Variants in DAPK1 observed in about 807,000 individuals in gnomAD.
DAPK1 encodes death associated protein kinase 1, also known as death-associated protein kinase 1.
In DAPK1, 56 loss-of-function variants were observed where a neutral mutation model predicts 144.9. The ratio of observed to expected loss-of-function variants is 0.39; its 90% CI spans 0.31 to 0.48. The LOEUF is 0.48. Among genes scored for constraint, DAPK1 ranks in the 20% least tolerant of loss-of-function variants. DAPK1 has a pLI of 0.95. For missense variants in DAPK1, 1,454 were observed against 1,875.4 expected (o/e 0.78, Z 4.15); for synonymous variants, 690 against 749.0 (o/e 0.92, Z 1.29).
intron 2 of DAPK1, among the ~76,000 whole-genome samples, chr9:87,540,399 C>T (rs915082380): frequency 7.2e-5 from 11 of 152,018 alleles, no homozygotes; most frequent in Admixed American, 6.6e-5. Context: ...CCATGTTGGC[C>T]AGGCTGGTCT....
At chr9:87,534,044 A>G (rs1187382997) in intron 2 of DAPK1, among the ~76,000 whole-genome samples, 1 of 151,990 alleles carries the variant, frequency 6.6e-6, no homozygotes, top group Non-Finnish European at 1.5e-5. Context: ...AATGCTTTGC[A>G]ATTTTAAAAA....
intron 2 of DAPK1, among the ~76,000 whole-genome samples, chr9:87,536,663 C>T (rs1825871235): frequency 6.6e-6 from 1 of 152,142 alleles, no homozygotes; most frequent in Admixed American, 6.5e-5. Context: ...CCCCACCACC[C>T]CTACCCATGT....
At chr9:87,538,956 T>A (rs1825949229) in intron 2 of DAPK1, among the ~76,000 whole-genome samples, 1 of 150,650 alleles carries the variant, frequency 6.6e-6, no homozygotes, top group East Asian at 1.9e-4. Flanking sequence ...CTGGATTTTA[T>A]ATATTTAAAA....
Position 87,598,166 on chromosome 9 carries a change from C to T in DAPK1, c.63-6788C>T, listed in dbSNP as rs960819294. On this transcript the variant is annotated intron_variant, in intron 2 of 25. Coordinates refer to ENST00000408954, the MANE Select transcript of DAPK1 (RefSeq NM_004938.4). ...AATATTCTGGCAGAATTCAAGCTGC[C>T]TGCTACTCTGGCAGCAAAAGTCTTC... Among the ~76,000 whole-genome samples the T allele has an allele frequency of 3.3e-5, 5 of 152,320 alleles. No individual in the cohort carries two copies. The South Asian group carries it at 1.0e-3, about 32-fold the overall frequency.
chr9:87,498,156 C>G, intron 1 of DAPK1, 49 bp downstream of exon 1: 3 of 397,122 alleles, frequency 7.6e-6, no homozygotes, highest in East Asian at 7.1e-5. Flanking sequence ...CCGGCGCCAG[C>G]TTTTGCTTTC....
At chr9:87,663,397 G>T (rs1254496207) in intron 18 of DAPK1, among the ~76,000 whole-genome samples, 1 of 152,048 alleles carries the variant, frequency 6.6e-6, no homozygotes, top group Non-Finnish European at 1.5e-5. Context: ...CATGAACCTG[G>T]CCCAGCTGTT....
intron 2 of DAPK1, among the ~76,000 whole-genome samples, chr9:87,515,037 C>T (rs1007578301): frequency 6.6e-6 from 1 of 152,136 alleles, no homozygotes. Context: ...CTGGAGAACC[C>T]GAGTATCTCA....
chr9:87,591,620 T>A (rs931314268), intron 2 of DAPK1, among the ~76,000 whole-genome samples: 3 of 152,246 alleles, frequency 2.0e-5, no homozygotes, highest in African/African-American at 7.2e-5. Context: ...AAAATTTTTT[T>A]AAAAGCTAAT....
chr9:87,524,170 C>A (rs1825402836), intron 2 of DAPK1, among the ~76,000 whole-genome samples: 1 of 152,228 alleles, frequency 6.6e-6, no homozygotes, highest in African/African-American at 2.4e-5. Flanking sequence ...TCCACTGATG[C>A]TCTGGGCCTC....
intron 4 of DAPK1, 58 bp from the exon 5 acceptor site, chr9:87,639,296 A>G (rs1830009992): frequency 1.4e-6 from 2 of 1,419,920 alleles, no homozygotes; most frequent in Non-Finnish European, 9.4e-7. Flanking sequence ...CTATTCTGCC[A>G]TCTTGTCCTC....
intron 19 of DAPK1, among the ~76,000 whole-genome samples, chr9:87,676,882 G>C (rs112259387): frequency 6.6e-6 from 1 of 152,212 alleles, no homozygotes; most frequent in Non-Finnish European, 1.5e-5. Context: ...CTCTGCTTCT[G>C]AGGAACCTGC....
chr9:87,703,091 G>A lies in DAPK1; in HGVS notation c.2934G>A (p.Lys978=). The A allele has an allele frequency of 6.2e-7, 1 of 1,600,074 alleles. No individual in the cohort carries two copies. Among genetic ancestry groups the A allele is most frequent in the South Asian group, 1.1e-5 (1 of 90,806 alleles). Residue 978 remains lysine (K), a synonymous_variant, in exon 25 of 26, where the codon AAG becomes AAA. Coordinates refer to ENST00000408954, the MANE Select transcript of DAPK1 (RefSeq NM_004938.4). ...KIISTLPSWR[K]LNGPNQLMSL... ...TCTCCACGCTGCCTTCCTGGAGGAA[G>A]CTCAATGGACCCAACCAGCTGATGT...
At chr9:87,631,724 T>C (rs967706668) in intron 3 of DAPK1, among the ~76,000 whole-genome samples, 1 of 152,234 alleles carries the variant, frequency 6.6e-6, no homozygotes, top group Admixed American at 6.5e-5. Context: ...CAGATTCTGC[T>C]GTTCAGCAAC....
intron 2 of DAPK1, among the ~76,000 whole-genome samples, chr9:87,563,340 T>G (rs1184675034): frequency 6.6e-6 from 1 of 152,216 alleles, no homozygotes; most frequent in Non-Finnish European, 1.5e-5. Context: ...CCTTGAATGC[T>G]TTTGAATTTA....
intron 2 of DAPK1, among the ~76,000 whole-genome samples, chr9:87,598,509 C>T (rs1353326037): frequency 6.6e-6 from 1 of 151,976 alleles, no homozygotes; most frequent in African/African-American, 2.4e-5. Flanking sequence ...CTCACCTGCT[C>T]CAGGTGAGAA....
intron 2 of DAPK1, among the ~76,000 whole-genome samples, chr9:87,518,099 GTTGTT>G (rs1201299508): frequency 6.3e-5 from 8 of 126,040 alleles, no homozygotes; most frequent in African/African-American, 2.4e-4. Flanking sequence ...TGCCGTTTAT[GTTGTT>G]GTTTTTTTTT....
At chr9:87,676,018 T>C (rs1165542680) in intron 19 of DAPK1, among the ~76,000 whole-genome samples, 3 of 152,220 alleles carry the variant, frequency 2.0e-5, no homozygotes, top group Non-Finnish European at 4.4e-5. Context: ...ACACCCTGGA[T>C]GCCCCAGGTC....
At chr9:87,568,928 T>C (rs1019568126) in intron 2 of DAPK1, among the ~76,000 whole-genome samples, 1 of 152,146 alleles carries the variant, frequency 6.6e-6, no homozygotes, top group African/African-American at 2.4e-5. Flanking sequence ...GACTTTATAC[T>C]GAGAAAGGAA....
At chr9:87,595,458 A>G (rs77354486) in intron 2 of DAPK1, among the ~76,000 whole-genome samples, 1,917 of 152,300 alleles carry the variant, frequency 0.013, 35 homozygotes, top group African/African-American at 0.044. Flanking sequence ...GGGGGAGTGA[A>G]TGAAGGCACC....
Sources: allele counts gnomAD v4.1 joint callset (sites outside exome capture counted in the v4.1 genomes callset), GRCh38; gene constraint gnomAD v4.1.1; transcripts MANE v1.5; gene names NCBI Gene and HGNC (gene_info 2026-07-23, HGNC 2026-07-21).